AP4S1: variants seen among roughly 807,000 people sequenced by gnomAD.
AP4S1 encodes adaptor related protein complex 4 subunit sigma 1.
A neutral mutation model predicts 19.8 loss-of-function variants in AP4S1; 23 were observed. The observed-to-expected ratio is 1.16, with a 90% CI of 0.84 to 1.65. The LOEUF (loss-of-function observed/expected upper bound fraction) is 1.65. AP4S1 is among the 40% of genes most tolerant of loss of function. AP4S1 has a pLI of 0.00. For missense variants in AP4S1, 166 were observed against 172.8 expected, an observed-to-expected ratio of 0.96 and a Z score of 0.22; for synonymous variants, 46 against 54.1, an observed-to-expected ratio of 0.85 and a Z score of 0.66.
At chr14:31,084,618 T>C (rs1887829115) in intron 5 of AP4S1, 2 of 1,310,250 alleles carry the variant, frequency 1.5e-6, no homozygotes, top group Non-Finnish European at 1.1e-6. Flanking sequence ...AATACACTCC[T>C]GTGCACTCTT....
intron 5 of AP4S1, among the ~76,000 whole-genome samples, chr14:31,088,700 C>T (rs1887987871): frequency 6.7e-6 from 1 of 149,656 alleles, no homozygotes; most frequent in East Asian, 2.0e-4. Context: ...CCCAGCTACT[C>T]AGGAGGCTGA....
At chr14:31,090,468 C>T (rs1423203117) in intron 5 of AP4S1, among the ~76,000 whole-genome samples, 3 of 152,208 alleles carry the variant, frequency 2.0e-5, no homozygotes, top group Non-Finnish European at 4.4e-5. Flanking sequence ...CTCATGTCAG[C>T]TCAACCTTAG....
chr14:31,056,710 G>T (rs1454012729), intron 1 of AP4S1, among the ~76,000 whole-genome samples: 1 of 152,168 alleles, frequency 6.6e-6, no homozygotes, highest in East Asian at 1.9e-4. Context: ...CAGATTAATT[G>T]TGCAGCGGTG....
chr14:31,035,638 CTTTTT>C (rs59967096), intron 1 of AP4S1, among the ~76,000 whole-genome samples: 1 of 133,550 alleles, frequency 7.5e-6, no homozygotes. Flanking sequence ...GTTTTTAGGT[CTTTTT>C]TTTTTTTTTT....
At chr14:31,049,428 A>AAAAAATAT (rs1384450221) in intron 1 of AP4S1, among the ~76,000 whole-genome samples, 10 of 57,742 alleles carry the variant, frequency 1.7e-4, no homozygotes, top group East Asian at 5.1e-4. Flanking sequence ...AAAAAAAAAA[A>AAAAAATAT]ATATATATAT....
intron 5 of AP4S1, among the ~76,000 whole-genome samples, chr14:31,091,883 T>C (rs1036752475): frequency 6.6e-6 from 1 of 152,212 alleles, no homozygotes; most frequent in African/African-American, 2.4e-5. Context: ...TCATGCTCTT[T>C]AAGTAGACAG....
intron 4 of AP4S1, among the ~76,000 whole-genome samples, chr14:31,073,345 C>A (rs1478725964): frequency 7.2e-6 from 1 of 139,318 alleles, no homozygotes; most frequent in Non-Finnish European, 1.6e-5. Context: ...AAAAAATTAG[C>A]TGGGCGTGGT....
At chr14:31,035,800 A>G (rs373575749) in intron 1 of AP4S1, among the ~76,000 whole-genome samples, 3 of 150,564 alleles carry the variant, frequency 2.0e-5, no homozygotes, top group South Asian at 2.1e-4. Flanking sequence ...TGCGATCTCG[A>G]CTCACTGCAA....
intron 5 of AP4S1, among the ~76,000 whole-genome samples, chr14:31,091,786 C>G (rs1045423859): frequency 4.6e-5 from 7 of 152,166 alleles, no homozygotes; most frequent in Admixed American, 2.0e-4. Context: ...ATTTTGAACT[C>G]CGCTAGTGCA....
chr14:31,033,418 T>C (rs1421525493), intron 1 of AP4S1, among the ~76,000 whole-genome samples: 1 of 152,172 alleles, frequency 6.6e-6, no homozygotes. Flanking sequence ...TTTACCATTC[T>C]GGCCAGGCTG....
intron 1 of AP4S1, among the ~76,000 whole-genome samples, chr14:31,027,519 G>A (rs1487906349): frequency 1.3e-5 from 2 of 152,068 alleles, no homozygotes; most frequent in African/African-American, 4.8e-5. Flanking sequence ...AAAATTAGCC[G>A]GGCATGGTGG....
At chr14:31,032,553 C>G (rs946261165) in intron 1 of AP4S1, among the ~76,000 whole-genome samples, 1 of 146,030 alleles carries the variant, frequency 6.8e-6, no homozygotes. Context: ...TGAAGTCTCA[C>G]TCTGTTGTTG....
At chr14:31,078,989 C>A (rs898328285) in intron 4 of AP4S1, among the ~76,000 whole-genome samples, 2 of 152,080 alleles carry the variant, frequency 1.3e-5, no homozygotes, top group African/African-American at 4.8e-5. Flanking sequence ...CAAGAATTTC[C>A]AAATCTTAAA....
At chr14:31,031,263 TAGC>T (rs1884372863) in intron 1 of AP4S1, among the ~76,000 whole-genome samples, 1 of 152,212 alleles carries the variant, frequency 6.6e-6, no homozygotes, top group African/African-American at 2.4e-5. Flanking sequence ...AAGTTCTTTG[TAGC>T]AGTATGAAAA....
chr14:31,040,479 C>T (rs1194190381), intron 1 of AP4S1, among the ~76,000 whole-genome samples: 1 of 152,130 alleles, frequency 6.6e-6, no homozygotes, highest in Non-Finnish European at 1.5e-5. Context: ...TTGATTTGAA[C>T]TTAAAATCTG....
At chr14:31,069,365 G>A (rs1344689176) in intron 2 of AP4S1, among the ~76,000 whole-genome samples, 1 of 152,096 alleles carries the variant, frequency 6.6e-6, no homozygotes. Context: ...CATGAGTCTA[G>A]GAAAAAGCAA....
At chr14:31,052,314 G>T (rs758817468) in intron 1 of AP4S1, among the ~76,000 whole-genome samples, 1 of 152,092 alleles carries the variant, frequency 6.6e-6, no homozygotes, top group Non-Finnish European at 1.5e-5. Flanking sequence ...TTCTCAGTTT[G>T]TAGTATCTGC....
chr14:31,077,348 G>T (rs1887415809), intron 4 of AP4S1, among the ~76,000 whole-genome samples: 1 of 152,156 alleles, frequency 6.6e-6, no homozygotes, highest in Non-Finnish European at 1.5e-5. Context: ...TCCATAATTA[G>T]TAATATTGTG....
intron 1 of AP4S1, among the ~76,000 whole-genome samples, chr14:31,064,489 T>C (rs1886610137): frequency 6.6e-6 from 1 of 152,130 alleles, no homozygotes; most frequent in African/African-American, 2.4e-5. Context: ...GCCTAGTTAA[T>C]TTTTGTATTT....
Sources: allele counts gnomAD v4.1 joint callset (sites outside exome capture counted in the v4.1 genomes callset), GRCh38; gene constraint gnomAD v4.1.1; transcripts MANE v1.5; gene names NCBI Gene and HGNC (gene_info 2026-07-23, HGNC 2026-07-21).